The following HSPA12B variants were observed in gnomAD, a reference collection of about 807,000 sequenced individuals.
HSPA12B encodes the protein heat shock protein family A (Hsp70) member 12B.
HSPA12B carries 54 observed loss-of-function variants against 69.3 expected under a neutral mutation model. The ratio of observed to expected loss-of-function variants is 0.78; its 90% CI spans 0.63 to 0.98. The LOEUF (loss-of-function observed/expected upper bound fraction) is 0.98, where lower values mean the gene tolerates loss of function less well. Ranked by LOEUF, HSPA12B falls within the 50% of genes least tolerant of loss-of-function variation. The pLI, the probability that HSPA12B is intolerant of heterozygous loss-of-function variation, is 0.00. For missense variants in HSPA12B, 929 were observed against 999.8 expected (o/e 0.93, Z 0.96); for synonymous variants, 441 against 436.5 (o/e 1.01, Z -0.13).
chr20:3,745,203 C>A lies in HSPA12B; in HGVS notation c.453+115C>A. On this transcript the variant is annotated intron_variant, in intron 5 of 12. Coordinates refer to ENST00000254963, the MANE Select transcript of HSPA12B (RefSeq NM_052970.5). The surrounding 1 kb of genome is among the most constrained non-coding windows in gnomAD (Gnocchi z 5.6). ...GAGGACCGGCCCGATGGAGTCGTGG[C>A]TGAGAGGGGGCGGGGCTAAAGGGAG... 1 of 980,756 alleles carries A rather than the reference C, an allele frequency of 1.0e-6. No homozygotes were observed. Among genetic ancestry groups the A allele is most frequent in the Non-Finnish European group, 1.5e-6 (1 of 657,214 alleles). The allele number at this position is 980,756 out of a possible 1,614,324, so 60.8% of individuals were successfully genotyped here.
chr20:3,743,024 C>T (rs895451514), intron 4 of HSPA12B, among the ~76,000 whole-genome samples: 4 of 148,348 alleles, frequency 2.7e-5, no homozygotes, highest in Non-Finnish European at 5.9e-5. Context: ...CAGGCGACCG[C>T]CACCACACCC....
intron 3 of HSPA12B, among the ~76,000 whole-genome samples, 165 bp from the exon 4 acceptor site, chr20:3,742,119 A>C (rs1448383362): frequency 6.6e-6 from 1 of 151,892 alleles, no homozygotes; most frequent in Non-Finnish European, 1.5e-5. Context: ...TGGGAGGGCA[A>C]GGGAGCCCGA....
At position 3,745,990 on chromosome 20, in the gene HSPA12B, A is replaced by T; in HGVS notation, c.634A>T (p.Lys212Ter). Reference sequence around the variant, plus strand: ...GGTGTTGACGGTGCCTGCCATCTGGAAACAGCCAGCCAAGCAGTTCATGCG... The same window carrying T: ...GGTGTTGACGGTGCCTGCCATCTGGTAACAGCCAGCCAAGCAGTTCATGCG... ...RWVLTVPAIW[K>*]QPAKQFMREA... The change falls in exon 7 of 13, where the codon AAA becomes TAA. Residue 212 changes from lysine (K) to a stop codon, truncating the protein, a stop_gained. Transcript: ENST00000254963. LOFTEE classifies it high-confidence loss of function. This position sits in a 1 kb window ranked among gnomAD's most constrained non-coding sequence, Gnocchi z 5.6. 1 of 1,613,980 alleles carries T rather than the reference A, an allele frequency of 6.2e-7. No homozygotes were observed. Among genetic ancestry groups the T allele is most frequent in the Non-Finnish European group, 8.5e-7 (1 of 1,179,970 alleles).
intron 11 of HSPA12B, 124 bp from the exon 12 acceptor site, chr20:3,750,680 G>A (rs1402666937): frequency 2.5e-6 from 4 of 1,570,976 alleles, no homozygotes; most frequent in South Asian, 2.4e-5. Flanking sequence ...CAGACACCAC[G>A]TGCAGTCGGT....
Position 3,740,714 on chromosome 20 carries a change from C to A in HSPA12B, c.44-101C>A, listed in dbSNP as rs2088185249. On this transcript the variant is annotated intron_variant, in intron 2 of 12. Coordinates refer to ENST00000254963, the MANE Select transcript of HSPA12B (RefSeq NM_052970.5). This position sits in a 1 kb window ranked among gnomAD's most constrained non-coding sequence, Gnocchi z 4.9. ...CCAGCAGAGAGCCCTTTGCCTTAGC[C>A]CAGCAAGGACTGATGGAGAACCTTT... The A allele has an allele frequency of 1.1e-6, 1 of 895,982 alleles. No individual in the cohort carries two copies. The highest frequency in any genetic ancestry group is 1.8e-6 in the Non-Finnish European group (1 of 556,662). 55.5% of individuals were successfully genotyped at this position (895,982 alleles called of 1,614,324 possible).
chr20:3,743,861 T>G (rs1308832419), intron 4 of HSPA12B, among the ~76,000 whole-genome samples: 1 of 151,948 alleles, frequency 6.6e-6, no homozygotes, highest in Non-Finnish European at 1.5e-5. Context: ...ATCTTTTTTC[T>G]TTTCCTTTTT....
Position 3,749,667 on chromosome 20 carries a change from TGGA to T in HSPA12B, c.938-80_938-78del. 1 of 1,044,526 alleles carries T rather than the reference TGGA, an allele frequency of 9.6e-7. No individual in the cohort carries two copies. Among genetic ancestry groups the T allele is most frequent in the South Asian group, 1.5e-5 (1 of 67,706 alleles). The allele number at this position is 1,044,526 out of a possible 1,614,324, so 64.7% of individuals were successfully genotyped here. ...CAGGCCTTGGGACCCGGGGCAGGGCTGGAGGCTGGGCGAGGCTGGAGGGGGCGC... is the reference window on the plus strand; with the variant it reads ...CAGGCCTTGGGACCCGGGGCAGGGCTGGCTGGGCGAGGCTGGAGGGGGCGC... On this transcript the variant is annotated intron_variant, in intron 9 of 12. Coordinates refer to ENST00000254963, the MANE Select transcript of HSPA12B (RefSeq NM_052970.5). This position sits in a 1 kb window ranked among gnomAD's most constrained non-coding sequence, Gnocchi z 5.5.
rs2088341795 is a variant in HSPA12B, at chr20:3,748,207, C to A, written c.676-10C>A. On this transcript the variant is annotated splice_polypyrimidine_tract_variant and intron_variant, in intron 7 of 12. Coordinates refer to ENST00000254963, the MANE Select transcript of HSPA12B (RefSeq NM_052970.5). ...AGTGCTGCCTGACCCTGCCCACCAC[C>A]CATCCCCAGGCTGGACTAGTGTCCC... 1.9e-6 allele frequency: 3 copies of A among 1,539,310 alleles called. No individual in the cohort carries two copies. Among genetic ancestry groups the A allele is most frequent in the African/African-American group, 1.4e-5 (1 of 72,374 alleles).
In HSPA12B at chr20:3,750,831, G is replaced by C; in HGVS notation, c.1329G>C (p.Gln443His). ...TGAACTTCGTGAAGTGGTCCTCACA[G>C]GGGATGCTCCGAATGTCTTGTGAAG... ...SSVNFVKWSS[Q>H]GMLRMSCEAM... is the part of the protein sequence containing the mutation. The change falls in exon 12 of 13, where the codon CAG becomes CAC. Residue 443 changes from glutamine to histidine, a missense_variant. Physicochemically the swap from Gln to His is conservative, Grantham distance 24. This residue lies in a region of HSPA12B where 448 missense variants were observed against 448.1 expected (regional missense o/e 1.00). Coordinates refer to ENST00000254963, the MANE Select transcript of HSPA12B (RefSeq NM_052970.5). 2 of 1,613,924 alleles carry C rather than the reference G, an allele frequency of 1.2e-6. No homozygotes were observed. The highest frequency in any genetic ancestry group is 2.2e-5 in the South Asian group (2 of 91,088).
At position 3,752,128 on chromosome 20, in the gene HSPA12B, C is replaced by T; in HGVS notation, c.2023C>T (p.Arg675Cys). Reference protein sequence around the residue: ...KVTAVDVSTNRSVRASIDFLS... With the variant: ...KVTAVDVSTNCSVRASIDFLS... ...CACCGCCGTCGACGTCAGCACCAATCGCTCCGTGCGCGCGTCCATCGACTT... is the reference window on the plus strand; with the variant it reads ...CACCGCCGTCGACGTCAGCACCAATTGCTCCGTGCGCGCGTCCATCGACTT... Residue 675 changes from arginine to cysteine, a missense_variant, in exon 13 of 13, where the codon CGC (arginine) becomes TGC (cysteine). By Grantham distance (180) the Arg-to-Cys change is radical. Coordinates refer to ENST00000254963, the MANE Select transcript of HSPA12B (RefSeq NM_052970.5). The T allele has an allele frequency of 6.7e-7, 1 of 1,482,354 alleles. No individual in the cohort carries two copies. 91.8% of individuals were successfully genotyped at this position (1,482,354 alleles called of 1,614,324 possible).
chr20:3,743,590 T>C (rs1243588596), intron 4 of HSPA12B, among the ~76,000 whole-genome samples: 1 of 152,174 alleles, frequency 6.6e-6, no homozygotes, highest in African/African-American at 2.4e-5. Context: ...ACTTGCTTTG[T>C]TTTAAAGCTT....
chr20:3,748,799 T>C (rs1304382166), intron 8 of HSPA12B, among the ~76,000 whole-genome samples: 1 of 152,026 alleles, frequency 6.6e-6, no homozygotes, highest in Non-Finnish European at 1.5e-5. Flanking sequence ...TCCCCTCATC[T>C]TCCCCGACAC....
Position 3,745,369 on chromosome 20 carries a change from A to G in HSPA12B, c.454-124A>G. The G allele has an allele frequency of 1.3e-6, 1 of 749,406 alleles. No individual in the cohort carries two copies. Among genetic ancestry groups the G allele is most frequent in the Admixed American group, 2.1e-5 (1 of 47,754 alleles). 46.4% of individuals were successfully genotyped at this position (749,406 alleles called of 1,614,324 possible). ...GGGCAGAGCTAATGTCACATGGGGC[A>G]AGAGTGGGACGGTGGTAAAGAGGAG... On this transcript the variant is annotated intron_variant, in intron 5 of 12. Coordinates refer to ENST00000254963, the MANE Select transcript of HSPA12B (RefSeq NM_052970.5). This position sits in a 1 kb window ranked among gnomAD's most constrained non-coding sequence, Gnocchi z 5.6.
Position 3,749,852 on chromosome 20 carries a change from C to G in HSPA12B, c.1040C>G (p.Ser347Cys), listed in dbSNP as rs1249254159. The G allele has an allele frequency of 3.1e-6, 5 of 1,602,578 alleles. No individual in the cohort carries two copies. In the South Asian group the frequency reaches 4.4e-5, roughly 14 times the overall value. The change falls in exon 10 of 13, where the codon TCT (serine) becomes TGT (cysteine). Residue 347 changes from serine to cysteine, a missense_variant and splice_region_variant. This residue lies in a region of HSPA12B where 477 missense variants were observed against 535.2 expected (regional missense o/e 0.89). Coordinates refer to ENST00000254963, the MANE Select transcript of HSPA12B (RefSeq NM_052970.5). This position sits in a 1 kb window ranked among gnomAD's most constrained non-coding sequence, Gnocchi z 5.5. ...HGTLKELYKA[S>C]GGPYGAVGVD... Reference sequence around the variant, plus strand: ...ACCCTCAAGGAGCTCTACAAGGCATCTGGTGAGTAGCCAGGCGGCGCCCCG... The same window carrying G: ...ACCCTCAAGGAGCTCTACAAGGCATGTGGTGAGTAGCCAGGCGGCGCCCCG...
At chr20:3,738,110 G>A (rs1215472106) in intron 1 of HSPA12B, among the ~76,000 whole-genome samples, 3 of 152,214 alleles carry the variant, frequency 2.0e-5, no homozygotes, top group African/African-American at 7.2e-5. Context: ...GAAATAGGGT[G>A]CACAGGCCCT....
chr20:3,745,630 C>A lies in HSPA12B; in HGVS notation c.558+33C>A. The A allele has an allele frequency of 6.3e-7, 1 of 1,579,030 alleles. No individual in the cohort carries two copies. The highest frequency in any genetic ancestry group is 1.1e-5 in the South Asian group (1 of 90,396). Reference sequence around the variant, plus strand: ...GCGGCCCCACCTCTGCCGACTGTGGCAGGGACCCCCTATTTTCCCCTCATC... The same window carrying A: ...GCGGCCCCACCTCTGCCGACTGTGGAAGGGACCCCCTATTTTCCCCTCATC... On this transcript the variant is annotated intron_variant, in intron 6 of 12. Coordinates refer to ENST00000254963, the MANE Select transcript of HSPA12B (RefSeq NM_052970.5). This position sits in a 1 kb window ranked among gnomAD's most constrained non-coding sequence, Gnocchi z 5.6.
At position 3,744,193 on chromosome 20, in the gene HSPA12B, A is replaced by T. The variant is rs1240307872; in HGVS notation, c.267-709A>T. ...GATGGAAGGGTGAATGGAGACATAG[A>T]CAGACAGGTAACTGCTCCCAAAATA... On this transcript the variant is annotated intron_variant, in intron 4 of 12. Transcript: ENST00000254963. This position sits in a 1 kb window ranked among gnomAD's most constrained non-coding sequence, Gnocchi z 4.9. 6.6e-6 allele frequency among the ~76,000 whole-genome samples: 1 copy of T among 152,184 alleles called. No individual in the cohort carries two copies. Among genetic ancestry groups the T allele is most frequent in the Admixed American group, 6.5e-5 (1 of 15,286 alleles).
At chr20:3,742,890 T>G (rs1294216600) in intron 4 of HSPA12B, among the ~76,000 whole-genome samples, 1 of 151,640 alleles carries the variant, frequency 6.6e-6, no homozygotes, top group Non-Finnish European at 1.5e-5. Flanking sequence ...TTGTTTTTTT[T>G]TGAGACGGAG....
In HSPA12B at chr20:3,751,578, G is replaced by A. The variant is rs60858447; in HGVS notation, c.1473G>A (p.Glu491=). The A allele has an allele frequency of 0.052, 77,986 of 1,498,038 alleles. 3,193 individuals carry two copies. The highest frequency in any genetic ancestry group is 0.2 in the Admixed American group (8,091 of 40,954). 92.8% of individuals were successfully genotyped at this position (1,498,038 alleles called of 1,614,324 possible). A position where few individuals can be genotyped will look rare whatever the true frequency, so the allele number is the denominator to read the frequency against. The part of the protein sequence containing the change: ...KLLFLVGGFA[E]SAVLQHAVQA... Reference sequence around the variant, plus strand: ...TGTTCCTAGTGGGCGGCTTCGCCGAGTCAGCGGTGCTGCAGCACGCGGTGC... The same window carrying A: ...TGTTCCTAGTGGGCGGCTTCGCCGAATCAGCGGTGCTGCAGCACGCGGTGC... Residue 491 remains glutamate (E), a synonymous_variant, in exon 13 of 13, where the codon GAG becomes GAA. Coordinates refer to ENST00000254963, the MANE Select transcript of HSPA12B (RefSeq NM_052970.5).
Sources: allele counts gnomAD v4.1 joint callset (sites outside exome capture counted in the v4.1 genomes callset), GRCh38; gene constraint gnomAD v4.1.1; regional missense constraint gnomAD v4.1.1; non-coding constraint Gnocchi (gnomAD v3.1); transcripts MANE v1.5; gene names NCBI Gene and HGNC (gene_info 2026-07-23, HGNC 2026-07-21).